THSD7B: variants seen among roughly 807,000 people sequenced by gnomAD.
THSD7B encodes the protein thrombospondin type-1 domain-containing protein 7B.
A neutral mutation model predicts 213.6 loss-of-function variants in THSD7B; 138 were observed. The observed-to-expected ratio is 0.65, with a 90% CI of 0.56 to 0.74. The LOEUF is 0.74. Ranked by LOEUF, THSD7B falls within the 30% of genes least tolerant of loss-of-function variation. THSD7B has a pLI of 0.00. For missense variants in THSD7B, 1,931 were observed against 1,991.5 expected (o/e 0.97, Z 0.58); for synonymous variants, 742 against 687.0 (o/e 1.08, Z -1.25).
At chr2:137,475,938 C>T (rs1688182367) in intron 15 of THSD7B, among the ~76,000 whole-genome samples, 1 of 152,196 alleles carries the variant, frequency 6.6e-6, no homozygotes, top group African/African-American at 2.4e-5. Context: ...CACCAACTGT[C>T]TAGAAGAGAT....
At chr2:136,984,444 T>TC (rs1685637038) in intron 2 of THSD7B, among the ~76,000 whole-genome samples, 1 of 152,186 alleles carries the variant, frequency 6.6e-6, no homozygotes, top group South Asian at 2.1e-4. Flanking sequence ...ATCTCCTTGC[T>TC]CCTTCTCTTG....
At chr2:137,395,207 G>A (rs1371930591) in intron 12 of THSD7B, among the ~76,000 whole-genome samples, 3 of 145,054 alleles carry the variant, frequency 2.1e-5, no homozygotes, top group East Asian at 3.9e-4. Flanking sequence ...ATGTTGAATA[G>A]GAGTGGTGAG....
At chr2:137,063,671 C>T (rs915347174) in intron 3 of THSD7B, among the ~76,000 whole-genome samples, 1 of 152,032 alleles carries the variant, frequency 6.6e-6, no homozygotes, top group Non-Finnish European at 1.5e-5. Flanking sequence ...TTTCCCCAAT[C>T]ACCACTACTT....
intron 27 of THSD7B, among the ~76,000 whole-genome samples, chr2:137,673,728 G>A (rs1683632069): frequency 6.6e-6 from 1 of 152,100 alleles, no homozygotes; most frequent in Non-Finnish European, 1.5e-5. Context: ...TGGCCAGAAA[G>A]CCTTGCTAAG....
At chr2:137,553,884 A>C (rs1680898527) in intron 15 of THSD7B, among the ~76,000 whole-genome samples, 3 of 152,212 alleles carry the variant, frequency 2.0e-5, no homozygotes, top group Admixed American at 2.0e-4. Flanking sequence ...GGAATTGGGC[A>C]TCTGGGTAGT....
chr2:137,134,603 A>G (rs887668132), intron 5 of THSD7B, among the ~76,000 whole-genome samples: 5 of 152,108 alleles, frequency 3.3e-5, no homozygotes, highest in Non-Finnish European at 7.4e-5. Context: ...CACATGGGGC[A>G]AGGGCTTACA....
intron 3 of THSD7B, among the ~76,000 whole-genome samples, chr2:137,079,232 A>T (rs1687693686): frequency 1.3e-5 from 2 of 152,182 alleles, no homozygotes; most frequent in African/African-American, 2.4e-5. Flanking sequence ...GTGATTTATT[A>T]AATATATATG....
At chr2:137,452,949 T>C (rs1226490779) in intron 15 of THSD7B, among the ~76,000 whole-genome samples, 1 of 152,096 alleles carries the variant, frequency 6.6e-6, no homozygotes, top group Admixed American at 6.6e-5. Context: ...TAAGTAAAGG[T>C]AGGTCTGTCT....
chr2:137,316,793 C>T lies in THSD7B; in HGVS notation c.2500+40767C>T, dbSNP rs375282255. ...AAGAAAAAGAAAAAAAAAGAAAAGGCGACCAGGTTCTTATGATATGGTAAT... is the reference window on the plus strand; with the variant it reads ...AAGAAAAAGAAAAAAAAAGAAAAGGTGACCAGGTTCTTATGATATGGTAAT... On this transcript the variant is annotated intron_variant, in intron 12 of 27. Coordinates refer to ENST00000409968, the MANE Select transcript of THSD7B (RefSeq NM_001316349.2). Among the ~76,000 whole-genome samples, 8 of 150,094 alleles carry T rather than the reference C, an allele frequency of 5.3e-5. No individual in the cohort carries two copies. The South Asian group carries it at 6.4e-4, about 12-fold the overall frequency.
In THSD7B at chr2:136,855,435, C is replaced by CT. The variant is rs1245675951; in HGVS notation, c.-35-26701dup. 1.7e-3 allele frequency among the ~76,000 whole-genome samples: 251 copies of CT among 151,240 alleles called. 1 individual carries two copies. The highest frequency in any genetic ancestry group is 5.9e-3 in the African/African-American group (243 of 41,260). On this transcript the variant is annotated intron_variant, in intron 1 of 27. Transcript: ENST00000409968. ...GCCTGTTTCCCTTCTTCTTCTCTCT[C>CT]TTTTTTTTGAGACAGAGTCTCACTC...
chr2:137,239,138 CT>C (rs1044212627), intron 9 of THSD7B, among the ~76,000 whole-genome samples: 2 of 151,402 alleles, frequency 1.3e-5, no homozygotes, highest in Admixed American at 1.3e-4. Flanking sequence ...AACACAACCA[CT>C]TTTTTTTTGA....
chr2:137,016,770 C>T (rs1686350377), intron 2 of THSD7B, among the ~76,000 whole-genome samples: 1 of 152,130 alleles, frequency 6.6e-6, no homozygotes, highest in Non-Finnish European at 1.5e-5. Flanking sequence ...TTTAGAGGAA[C>T]TTCTTAAGTA....
At position 137,637,193 on chromosome 2, in the gene THSD7B, T is replaced by C. The variant is rs188285976; in HGVS notation, c.3800-5295T>C. ...CTGCTTGGTTGAATATTCCATCCTT[T>C]CTGAGATCTGGCATCCCAAGTAATA... On this transcript the variant is annotated intron_variant, in intron 20 of 27. Transcript: ENST00000409968. Among the ~76,000 whole-genome samples, 4 of 152,342 alleles carry C rather than the reference T, an allele frequency of 2.6e-5. No individual in the cohort carries two copies. In the East Asian group the frequency reaches 7.7e-4, roughly 29 times the overall value.
intron 15 of THSD7B, among the ~76,000 whole-genome samples, chr2:137,560,991 A>T (rs1314901244): frequency 2.0e-5 from 3 of 152,178 alleles, no homozygotes; most frequent in Non-Finnish European, 4.4e-5. Flanking sequence ...AGCTAGAATG[A>T]ACAGCATGAA....
intron 20 of THSD7B, among the ~76,000 whole-genome samples, chr2:137,632,217 A>C (rs1386079434): frequency 1.3e-5 from 2 of 152,202 alleles, no homozygotes; most frequent in Admixed American, 6.6e-5. Flanking sequence ...TAATTTATAG[A>C]TATATTTGAG....
chr2:137,338,877 T>G (rs534090247), intron 12 of THSD7B, among the ~76,000 whole-genome samples: 18 of 152,156 alleles, frequency 1.2e-4, no homozygotes, highest in African/African-American at 4.3e-4. Context: ...AGTTCGTGGC[T>G]GTGGAGGTTA....
intron 17 of THSD7B, among the ~76,000 whole-genome samples, chr2:137,574,232 T>G (rs372891840): frequency 1.4e-4 from 21 of 152,246 alleles, no homozygotes; most frequent in African/African-American, 4.8e-4. Flanking sequence ...TACACAAAGT[T>G]GTGAAGGTTT....
intron 14 of THSD7B, among the ~76,000 whole-genome samples, chr2:137,436,346 T>C (rs1027938457): frequency 2.0e-5 from 3 of 152,198 alleles, no homozygotes; most frequent in Non-Finnish European, 4.4e-5. Flanking sequence ...ATCTTTATTC[T>C]TATGTTACAG....
chr2:136,949,914 T>C (rs1157322393), intron 2 of THSD7B, among the ~76,000 whole-genome samples: 1 of 152,192 alleles, frequency 6.6e-6, no homozygotes, highest in South Asian at 2.1e-4. Flanking sequence ...CTATTTACAA[T>C]AGCAAAGACT....
Sources: gnomAD v4.1 joint callset for allele counts (sites outside exome capture counted in the v4.1 genomes callset) on GRCh38, gnomAD v4.1.1 for gene constraint, MANE v1.5 for transcripts, NCBI Gene and HGNC (gene_info 2026-07-23, HGNC 2026-07-21) for gene names.